PLSCR5: variants seen among roughly 807,000 people sequenced by gnomAD.
PLSCR5 encodes the protein phospholipid scramblase family member 5.
PLSCR5 carries 44 observed loss-of-function variants against 33.6 expected under a neutral mutation model. That is an observed-to-expected ratio of 1.31 (90% CI 1.03 to 1.69). The LOEUF is 1.69. Ranked by LOEUF, PLSCR5 falls within the 40% of genes most tolerant of loss-of-function variation. The pLI, the probability that PLSCR5 is intolerant of heterozygous loss-of-function variation, is 0.00. For synonymous variants in PLSCR5, 148 were observed against 112.3 expected (o/e 1.32, Z -2.01); for missense variants, 375 against 318.7 (o/e 1.18, Z -1.34).
chr3:146,600,176 T>G, intron 2 of PLSCR5, 112 bp downstream of exon 2: 1 of 805,828 alleles, frequency 1.2e-6, no homozygotes, highest in Non-Finnish European at 1.7e-6. Flanking sequence ...GCTTTTTTCA[T>G]TTCAGTAAAT....
At chr3:146,582,135 C>T (rs2044636378), downstream of PLSCR5, among the ~76,000 whole-genome samples, 1 of 152,196 alleles carries the variant, frequency 6.6e-6, no homozygotes, top group Non-Finnish European at 1.5e-5. Context: ...TTCTCCCTCA[C>T]AGAGAGTAGG....
At chr3:146,584,488 A>G (rs1377322039), downstream of PLSCR5, among the ~76,000 whole-genome samples, 1 of 152,172 alleles carries the variant, frequency 6.6e-6, no homozygotes, top group Non-Finnish European at 1.5e-5. Context: ...AATAAATGGT[A>G]TGACTGGGAG....
At chr3:146,603,131 G>A (rs1280540408) in intron 1 of PLSCR5, among the ~76,000 whole-genome samples, 2 of 152,078 alleles carry the variant, frequency 1.3e-5, no homozygotes, top group African/African-American at 2.4e-5. Flanking sequence ...ATGGCACCTG[G>A]TATTTAGACT....
At chr3:146,582,306 C>T (rs2044637429), downstream of PLSCR5, among the ~76,000 whole-genome samples, 1 of 152,148 alleles carries the variant, frequency 6.6e-6, no homozygotes, top group African/African-American at 2.4e-5. Context: ...AGCTGACTTG[C>T]CCAGACATGT....
chr3:146,593,486 T>C (rs2044731745), intron 4 of PLSCR5, among the ~76,000 whole-genome samples: 1 of 152,182 alleles, frequency 6.6e-6, no homozygotes, highest in Non-Finnish European at 1.5e-5. Flanking sequence ...AATGGGTAAA[T>C]GCATTGTGAG....
chr3:146,596,000 A>G (rs1421449697), intron 2 of PLSCR5, among the ~76,000 whole-genome samples: 1 of 152,212 alleles, frequency 6.6e-6, no homozygotes, highest in Non-Finnish European at 1.5e-5. Context: ...AATTTAAGTC[A>G]AATAAATGTT....
intron 2 of PLSCR5, 131 bp from the exon 3 acceptor site, chr3:146,595,214 G>T (rs560881680): frequency 1.0e-4 from 43 of 430,754 alleles, no homozygotes; most frequent in African/African-American, 8.9e-4. Flanking sequence ...TAGGAAAACA[G>T]TTGAAAATAT....
chr3:146,586,663 C>CA (rs1417809951), intron 6 of PLSCR5, among the ~76,000 whole-genome samples: 1 of 152,068 alleles, frequency 6.6e-6, no homozygotes, highest in Admixed American at 6.6e-5. Flanking sequence ...AGAGAGAACT[C>CA]AAAGAGTGAG....
chr3:146,591,998 C>T, intron 4 of PLSCR5, 117 bp from the exon 5 acceptor site: 1 of 924,446 alleles, frequency 1.1e-6, no homozygotes. Context: ...TGATATTCTA[C>T]AAATCATTCT....
chr3:146,588,724 A>G (rs1319141222), intron 6 of PLSCR5, among the ~76,000 whole-genome samples: 1 of 152,200 alleles, frequency 6.6e-6, no homozygotes, highest in Non-Finnish European at 1.5e-5. Context: ...AGATTAGATA[A>G]TAGCATTGAA....
At chr3:146,584,265 G>T (rs575246543), downstream of PLSCR5, among the ~76,000 whole-genome samples, 1 of 152,280 alleles carries the variant, frequency 6.6e-6, no homozygotes, top group East Asian at 1.9e-4. Flanking sequence ...TGAGAGGAAA[G>T]GGAAGGAATG....
At chr3:146,602,412 G>A (rs914164991) in intron 1 of PLSCR5, among the ~76,000 whole-genome samples, 1 of 152,084 alleles carries the variant, frequency 6.6e-6, no homozygotes, top group Non-Finnish European at 1.5e-5. Context: ...ATGATATAGG[G>A]AAAACTAGTT....
intron 2 of PLSCR5, among the ~76,000 whole-genome samples, chr3:146,595,333 C>T (rs553776298): frequency 1.4e-4 from 22 of 151,998 alleles, no homozygotes; most frequent in Admixed American, 2.6e-4. Context: ...AGAATAGCAA[C>T]GGGGCTGGGC....
chr3:146,602,895 T>TAAAGTGTGAG (rs1303913784), intron 1 of PLSCR5, among the ~76,000 whole-genome samples: 1 of 152,006 alleles, frequency 6.6e-6, no homozygotes, highest in Non-Finnish European at 1.5e-5. Flanking sequence ...AAGTCTTTAT[T>TAAAGTGTGAG]TAGGAGTAGA....
intron 6 of PLSCR5, among the ~76,000 whole-genome samples, chr3:146,587,220 T>C (rs1054546824): frequency 6.6e-6 from 1 of 152,142 alleles, no homozygotes; most frequent in African/African-American, 2.4e-5. Context: ...TGCTTGCACT[T>C]TGCACCACAC....
chr3:146,582,336 C>A (rs1045635686), downstream of PLSCR5, among the ~76,000 whole-genome samples: 26 of 152,206 alleles, frequency 1.7e-4, no homozygotes, highest in African/African-American at 6.0e-4. Context: ...AAAATTCCAT[C>A]CCCTGACACA....
intron 6 of PLSCR5, among the ~76,000 whole-genome samples, chr3:146,587,021 A>G (rs73003961): frequency 0.076 from 11,631 of 152,254 alleles, 496 homozygotes; most frequent in East Asian, 0.16. Flanking sequence ...CTCAGTGAAC[A>G]TTTCTCCCTT....
chr3:146,581,970 T>G (rs2044635338), downstream of PLSCR5, among the ~76,000 whole-genome samples: 2 of 152,220 alleles, frequency 1.3e-5, no homozygotes, highest in South Asian at 4.1e-4. Flanking sequence ...ATATTCTAGT[T>G]GAAAAGATAC....
downstream of PLSCR5, among the ~76,000 whole-genome samples, chr3:146,584,735 C>G (rs2107847353): frequency 6.6e-6 from 1 of 152,162 alleles, no homozygotes; most frequent in African/African-American, 2.4e-5. Context: ...GCATAAAGCC[C>G]TTACTCCAGA....
Sources: gnomAD v4.1 joint callset for allele counts (sites outside exome capture counted in the v4.1 genomes callset) on GRCh38, gnomAD v4.1.1 for gene constraint, MANE v1.5 for transcripts, NCBI Gene and HGNC (gene_info 2026-07-23, HGNC 2026-07-21) for gene names.